The following NFIB variants were observed in gnomAD, a reference collection of about 807,000 sequenced individuals.
NFIB encodes the protein nuclear factor I B.
NFIB carries 11 observed loss-of-function variants against 61.5 expected under a neutral mutation model. The observed-to-expected ratio is 0.18, with a 90% CI of 0.11 to 0.30. The LOEUF is 0.30. NFIB is among the 10% of genes least tolerant of loss of function. NFIB has a pLI of 1.00. For missense variants in NFIB, 471 were observed against 608.9 expected (o/e 0.77, Z 2.38); for synonymous variants, 260 against 216.5 (o/e 1.20, Z -1.76).
rs2038810740 is a variant in NFIB at position 14,120,690 on chromosome 9, T to G, written c.1061-66A>C. ...TTACCTTATTGCTCCATTCTGATCCTGAAGAATGCTGTGAAACTACAAAAC... is the reference window on the plus strand; with the variant it reads ...TTACCTTATTGCTCCATTCTGATCCGGAAGAATGCTGTGAAACTACAAAAC... On this transcript the variant is annotated intron_variant, in intron 7 of 10. Coordinates refer to ENST00000380953, the MANE Select transcript of NFIB (RefSeq NM_001190737.2). The surrounding 1 kb of genome is among the most constrained non-coding windows in gnomAD (Gnocchi z 4.4). 3 of 1,433,910 alleles carry G rather than the reference T, an allele frequency of 2.1e-6. No individual in the cohort carries two copies. Among genetic ancestry groups the G allele is most frequent in the African/African-American group, 1.4e-5 (1 of 69,674 alleles). 88.8% of individuals were successfully genotyped at this position (1,433,910 alleles called of 1,614,324 possible).
chr9:14,216,159 G>A (rs1332289414), intron 2 of NFIB, among the ~76,000 whole-genome samples: 2 of 152,168 alleles, frequency 1.3e-5, no homozygotes, highest in Non-Finnish European at 2.9e-5. Flanking sequence ...TACCTTAGAA[G>A]CTACCTAATT....
chr9:14,121,612 A>G (rs1410031581), intron 7 of NFIB, among the ~76,000 whole-genome samples: 1 of 152,234 alleles, frequency 6.6e-6, no homozygotes, highest in African/African-American at 2.4e-5. Context: ...AAAGAGCTCT[A>G]TTCTGCAACT....
At chr9:14,455,852 T>C in the NFIB span, among the ~76,000 whole-genome samples, 1 of 152,198 alleles carries the variant, frequency 6.6e-6, no homozygotes, top group African/African-American at 2.4e-5. Flanking sequence ...AATTATGAGA[T>C]ATTAAAACAT....
chr9:14,254,482 G>GACATAAGC (rs1413840002), intron 2 of NFIB, among the ~76,000 whole-genome samples: 1 of 152,052 alleles, frequency 6.6e-6, no homozygotes, highest in African/African-American at 2.4e-5. Context: ...CCCTCCACCA[G>GACATAAGC]ACATAAGCAC....
chr9:14,235,483 C>G (rs1301070840), intron 2 of NFIB, among the ~76,000 whole-genome samples: 1 of 152,170 alleles, frequency 6.6e-6, no homozygotes, highest in African/African-American at 2.4e-5. Context: ...CATATACTAT[C>G]TCACCCTAAA....
intron 1 of NFIB, among the ~76,000 whole-genome samples, chr9:14,395,178 C>T (rs540429577): frequency 6.6e-6 from 1 of 152,078 alleles, no homozygotes; most frequent in East Asian, 1.9e-4. Flanking sequence ...TGACTTTAAG[C>T]CTCCATATGT....
intron 2 of NFIB, among the ~76,000 whole-genome samples, chr9:14,222,101 C>T (rs985835471): frequency 6.6e-6 from 1 of 152,188 alleles, no homozygotes; most frequent in African/African-American, 2.4e-5. Context: ...CTGGTGCTCT[C>T]AGATCTTTTG....
Position 14,314,071 on chromosome 9 carries a change from G to C in NFIB, c.-560C>G. 1.9e-6 allele frequency: 2 copies of C among 1,060,168 alleles called. No homozygotes were observed. Among genetic ancestry groups the C allele is most frequent in the Non-Finnish European group, 2.3e-6 (2 of 876,432 alleles). 65.7% of individuals were successfully genotyped at this position (1,060,168 alleles called of 1,614,324 possible). A position where few individuals can be genotyped will look rare whatever the true frequency, so the allele number is the denominator to read the frequency against. On this transcript the variant is annotated 5_prime_UTR_variant, in exon 1 of 11. Transcript: ENST00000380953. The stretch of plus-strand genomic sequence containing the variant: ...CCAAGCACTGCGGCAGGATCCCGGA[G>C]TGGTGATCGCAGGCGAAACTTTGCC...
chr9:14,327,414 CGTAA>C (rs1252544820), intron 1 of NFIB, among the ~76,000 whole-genome samples: 1 of 152,014 alleles, frequency 6.6e-6, no homozygotes, highest in East Asian at 1.9e-4. Context: ...GTCTATATTC[CGTAA>C]GTAAGAAATC....
the NFIB span, among the ~76,000 whole-genome samples, chr9:14,424,327 C>T: frequency 3.9e-5 from 6 of 152,126 alleles, no homozygotes; most frequent in African/African-American, 1.4e-4. Flanking sequence ...CTGCAGAACA[C>T]TGTTTCTAGG....
exon 1 of NFIB, chr9:14,398,544 T>C: frequency 2.0e-6 from 3 of 1,534,896 alleles, no homozygotes; most frequent in Non-Finnish European, 2.6e-6. Context: ...AAGCACAGAG[T>C]TGACATTCTT....
chr9:14,281,469 A>G (rs1246206229), intron 2 of NFIB, among the ~76,000 whole-genome samples: 1 of 152,210 alleles, frequency 6.6e-6, no homozygotes, highest in Non-Finnish European at 1.5e-5. Flanking sequence ...AGTAACAATT[A>G]TTGTAAAACC....
At chr9:14,491,843 T>G in the NFIB span, among the ~76,000 whole-genome samples, 1 of 152,112 alleles carries the variant, frequency 6.6e-6, no homozygotes, top group Non-Finnish European at 1.5e-5. Flanking sequence ...GCCCAAAATA[T>G]CAAAATCATG....
At chr9:14,524,136 T>A in the NFIB span, among the ~76,000 whole-genome samples, 1 of 152,162 alleles carries the variant, frequency 6.6e-6, no homozygotes, top group Non-Finnish European at 1.5e-5. Flanking sequence ...AGGTACAAAA[T>A]GCTGTTTAGG....
At chr9:14,462,277 TTTTTTTC>T in the NFIB span, among the ~76,000 whole-genome samples, 4 of 151,974 alleles carry the variant, frequency 2.6e-5, no homozygotes, top group South Asian at 2.1e-4. Flanking sequence ...CTTTTTTTTC[TTTTTTTC>T]TTTTTTCTTT....
intron 2 of NFIB, among the ~76,000 whole-genome samples, chr9:14,198,158 C>T (rs2048654376): frequency 1.3e-5 from 2 of 152,210 alleles, no homozygotes; most frequent in Non-Finnish European, 2.9e-5. Flanking sequence ...AAAAGCTTTG[C>T]TTTATGAAGT....
At chr9:14,311,293 G>T (rs2060267890) in intron 1 of NFIB, among the ~76,000 whole-genome samples, 1 of 151,974 alleles carries the variant, frequency 6.6e-6, no homozygotes, top group African/African-American at 2.4e-5. Flanking sequence ...ACTCTATTTT[G>T]CAATTTACAT....
intron 1 of NFIB, among the ~76,000 whole-genome samples, chr9:14,366,397 C>T (rs1281436201): frequency 6.6e-6 from 1 of 152,200 alleles, no homozygotes; most frequent in Non-Finnish European, 1.5e-5. Flanking sequence ...GACAGTCCTG[C>T]TGCTGAAGAC....
chr9:14,293,700 G>T (rs1031279853), intron 2 of NFIB, among the ~76,000 whole-genome samples: 1 of 152,174 alleles, frequency 6.6e-6, no homozygotes, highest in Non-Finnish European at 1.5e-5. Context: ...TTAGTAGACA[G>T]CCTTATCAAT....
Sources: allele counts gnomAD v4.1 joint callset (sites outside exome capture counted in the v4.1 genomes callset), GRCh38; gene constraint gnomAD v4.1.1; non-coding constraint Gnocchi (gnomAD v3.1); transcripts MANE v1.5; gene names NCBI Gene and HGNC (gene_info 2026-07-23, HGNC 2026-07-21).